FNBP4: variants seen among roughly 807,000 people sequenced by gnomAD.
FNBP4 encodes formin-binding protein 4.
A neutral mutation model predicts 119.3 loss-of-function variants in FNBP4; 34 were observed. The ratio of observed to expected loss-of-function variants is 0.28; its 90% CI spans 0.22 to 0.38. The LOEUF (loss-of-function observed/expected upper bound fraction) is 0.38, where lower values mean the gene tolerates loss of function less well. Among genes scored for constraint, FNBP4 ranks in the 10% least tolerant of loss-of-function variants. FNBP4 has a pLI of 1.00. For synonymous variants in FNBP4, 462 were observed against 430.6 expected, an observed-to-expected ratio of 1.07 and a Z score of -0.90; for missense variants, 1,112 against 1,228.9, an observed-to-expected ratio of 0.90 and a Z score of 1.42.
chr11:47,752,663 A>T, intron 4 of FNBP4: 1 of 328,232 alleles, frequency 3.0e-6, no homozygotes, highest in East Asian at 5.6e-5. Flanking sequence ...ACAAAAGAGA[A>T]ATTAGCCAGG....
At chr11:47,755,941 T>C (rs2097616787) in intron 2 of FNBP4, among the ~76,000 whole-genome samples, 2 of 152,228 alleles carry the variant, frequency 1.3e-5, no homozygotes, top group African/African-American at 2.4e-5. Flanking sequence ...AAGTGTTTAC[T>C]TCAAACTGAG....
chr11:47,732,517 A>G lies in FNBP4; in HGVS notation c.1820+20T>C. On this transcript the variant is annotated intron_variant, in intron 11 of 16. Coordinates refer to ENST00000263773, the MANE Select transcript of FNBP4 (RefSeq NM_015308.5). This position sits in a 1 kb window ranked among gnomAD's most constrained non-coding sequence, Gnocchi z 4.2. ...TGAGATGTCAAAGGTGAAAGGTGAA[A>G]AGGGGAGAAGAGTGCGTACCTGTCC... 1 of 1,613,850 alleles carries G rather than the reference A, an allele frequency of 6.2e-7. No homozygotes were observed.
In FNBP4 at chr11:47,732,437, TCA is replaced by T; in HGVS notation, c.1820+98_1820+99del. The T allele has an allele frequency of 1.3e-6, 2 of 1,570,144 alleles. No individual in the cohort carries two copies. Among genetic ancestry groups the T allele is most frequent in the South Asian group, 1.2e-5 (1 of 83,132 alleles). ...CCAGCACCGCTAACTGCAGCTGCTC[TCA>T]GTCTCCAGACAGGCTGTCATGTCGT... On this transcript the variant is annotated intron_variant, in intron 11 of 16. Coordinates refer to ENST00000263773, the MANE Select transcript of FNBP4 (RefSeq NM_015308.5). The surrounding 1 kb of genome is among the most constrained non-coding windows in gnomAD (Gnocchi z 4.2).
Position 47,717,209 on chromosome 11 carries a change from T to C in FNBP4, c.*213A>G, listed in dbSNP as rs967892204. On this transcript the variant is annotated 3_prime_UTR_variant, in exon 17 of 17. Transcript: ENST00000263773. Reference sequence around the variant, plus strand: ...TGCCAGTTTGAGAATAAAGGCAGCATGGTCAAAGCAATTCCAATCACCTCA... The same window carrying C: ...TGCCAGTTTGAGAATAAAGGCAGCACGGTCAAAGCAATTCCAATCACCTCA... The C allele has an allele frequency of 8.0e-6, 4 of 500,508 alleles. No homozygotes were observed. Among genetic ancestry groups the C allele is most frequent in the East Asian group, 3.3e-5 (1 of 30,740 alleles). 31.0% of individuals were successfully genotyped at this position (500,508 alleles called of 1,614,324 possible). A position where few individuals can be genotyped will look rare whatever the true frequency, so the allele number is the denominator to read the frequency against.
chr11:47,765,889 T>C (rs2097646831), intron 1 of FNBP4, among the ~76,000 whole-genome samples: 1 of 124,140 alleles, frequency 8.1e-6, no homozygotes, highest in African/African-American at 3.0e-5. Context: ...GTTTCGCTCT[T>C]GTCGCCCAGG....
At chr11:47,729,557 T>A in intron 12 of FNBP4, 1 of 969,888 alleles carries the variant, frequency 1.0e-6, no homozygotes, top group South Asian at 4.8e-5. Context: ...TCGCTCAGGC[T>A]GGAGTGCAGT....
chr11:47,764,965 T>C (rs1212253103), intron 2 of FNBP4, among the ~76,000 whole-genome samples: 1 of 152,012 alleles, frequency 6.6e-6, no homozygotes, highest in South Asian at 2.1e-4. Flanking sequence ...AGAAAAGGAA[T>C]AGGAGTTGGC....
intron 2 of FNBP4, among the ~76,000 whole-genome samples, chr11:47,757,891 C>T (rs1017635463): frequency 2.6e-5 from 4 of 152,120 alleles, no homozygotes; most frequent in Non-Finnish European, 1.5e-5. Flanking sequence ...ATCACTACAT[C>T]CTCAAACTCC....
chr11:47,726,780 A>G (rs1347301254), intron 12 of FNBP4: 4 of 152,262 alleles, frequency 2.6e-5, no homozygotes, highest in Admixed American at 2.6e-4. Flanking sequence ...CTAAGTCAAT[A>G]AACGTTGAGG....
At chr11:47,743,868 T>G in intron 8 of FNBP4, 85 bp downstream of exon 8, 1 of 1,217,148 alleles carries the variant, frequency 8.2e-7, no homozygotes, top group Middle Eastern at 2.8e-4. Context: ...TCTCCTGTTT[T>G]GTTGAAGAGG....
intron 16 of FNBP4, 87 bp from the exon 17 acceptor site, chr11:47,717,599 T>A: frequency 2.0e-6 from 2 of 981,536 alleles, no homozygotes; most frequent in Non-Finnish European, 3.2e-6. Flanking sequence ...CTAACTGAAA[T>A]TAAAAACCTG....
Position 47,719,912 on chromosome 11 carries a change from G to A in FNBP4, c.2963+17C>T. 1 of 1,613,082 alleles carries A rather than the reference G, an allele frequency of 6.2e-7. No individual in the cohort carries two copies. On this transcript the variant is annotated intron_variant, in intron 16 of 16. Coordinates refer to ENST00000263773, the MANE Select transcript of FNBP4 (RefSeq NM_015308.5). The stretch of plus-strand genomic sequence containing the variant: ...TACTCCAAAACCCCATCTCATCTGT[G>A]TTTCCTTTTCTTTTACCTAACCAGC...
chr11:47,755,832 A>G (rs2097616500), intron 2 of FNBP4, among the ~76,000 whole-genome samples: 1 of 152,078 alleles, frequency 6.6e-6, no homozygotes, highest in Non-Finnish European at 1.5e-5. Context: ...CGAGAACAAG[A>G]AAATTAATCT....
At position 47,766,853 on chromosome 11, in the gene FNBP4, C is replaced by A. The variant is rs73453051; in HGVS notation, c.220+216G>T. On this transcript the variant is annotated intron_variant, in intron 1 of 16. Transcript: ENST00000263773. Reference sequence around the variant, plus strand: ...CGTTCCCGGGGCAAGCCCTGCACCACAGATGGCGCCTCGGGCTTGGCCCGG... The same window carrying A: ...CGTTCCCGGGGCAAGCCCTGCACCAAAGATGGCGCCTCGGGCTTGGCCCGG... Among the ~76,000 whole-genome samples the A allele has an allele frequency of 2.0e-3, 310 of 152,264 alleles. 2 individuals are homozygous for A. The highest frequency in any genetic ancestry group is 7.0e-3 in the African/African-American group (292 of 41,552).
chr11:47,745,611 C>T (rs1415300140), intron 7 of FNBP4, among the ~76,000 whole-genome samples: 1 of 152,042 alleles, frequency 6.6e-6, no homozygotes, highest in Non-Finnish European at 1.5e-5. Context: ...CTTATCAGTA[C>T]CTTTTTGCCC....
rs776373970 is a variant in FNBP4, at chr11:47,723,006, A to T, written c.2775T>A (p.Pro925=). The change falls in exon 15 of 17, where the codon CCT becomes CCA. Residue 925 remains proline, a synonymous_variant. Transcript: ENST00000263773. ...CTTTCCTTCCTTTTTTTGTCTTTTC[A>T]GGTGGTGGCATTTTGGGAGCTGGTG... The part of the protein sequence containing the change: ...PPPPAPKMPP[P]EKTKKGRKDK... 1.7e-5 allele frequency: 27 copies of T among 1,553,740 alleles called. No homozygotes were observed. The highest frequency in any genetic ancestry group is 2.0e-5 in the Non-Finnish European group (23 of 1,150,136).
chr11:47,755,405 C>T (rs1267414788), intron 2 of FNBP4, among the ~76,000 whole-genome samples: 4 of 151,696 alleles, frequency 2.6e-5, no homozygotes, highest in African/African-American at 9.7e-5. Flanking sequence ...GCTGAGATCA[C>T]GCCACTGCAC....
In FNBP4 at chr11:47,720,151, A is replaced by G. The variant is rs188935784; in HGVS notation, c.2806-65T>C. On this transcript the variant is annotated intron_variant, in intron 15 of 16. Transcript: ENST00000263773. ...AAAATAAGGATAAGCGTCCTCTACA[A>G]TGGAGGTCAGGATCCTTTTCCCAGT... The G allele has an allele frequency of 2.7e-5, 39 of 1,458,634 alleles. No homozygotes were observed. In the Admixed American group the frequency reaches 6.4e-4, roughly 24 times the overall value. The allele number at this position is 1,458,634 out of a possible 1,614,324, so 90.4% of individuals were successfully genotyped here. A position where few individuals can be genotyped will look rare whatever the true frequency, so the allele number is the denominator to read the frequency against.
chr11:47,734,409 A>C (rs562512078), intron 9 of FNBP4, among the ~76,000 whole-genome samples: 12 of 152,220 alleles, frequency 7.9e-5, no homozygotes, highest in Non-Finnish European at 1.5e-4. Context: ...TTTCAGACAA[A>C]GGTCTTGCTA....
Sources: gnomAD v4.1 joint callset for allele counts (sites outside exome capture counted in the v4.1 genomes callset) on GRCh38, gnomAD v4.1.1 for gene constraint, Gnocchi (gnomAD v3.1) non-coding constraint, MANE v1.5 for transcripts, NCBI Gene and HGNC (gene_info 2026-07-23, HGNC 2026-07-21) for gene names.